The following DAB2IP variants were observed in gnomAD, a reference collection of about 807,000 sequenced individuals.
The protein encoded by DAB2IP is disabled homolog 2-interacting protein.
Under a neutral mutation model 107.2 loss-of-function variants are expected in DAB2IP, and 28 were observed. The ratio of observed to expected loss-of-function variants is 0.26; its 90% CI spans 0.19 to 0.36. The LOEUF (loss-of-function observed/expected upper bound fraction) is 0.36, where lower values mean the gene tolerates loss of function less well. Among genes scored for constraint, DAB2IP ranks in the 10% least tolerant of loss-of-function variants. The pLI is 1.00. For synonymous variants in DAB2IP, 755 were observed against 706.4 expected, an observed-to-expected ratio of 1.07 and a Z score of -1.09; for missense variants, 1,400 against 1,644.7, an observed-to-expected ratio of 0.85 and a Z score of 2.57.
chr9:121,774,368 A>G, exon 13 of DAB2IP: 2 of 1,612,622 alleles, frequency 1.2e-6, no homozygotes, highest in Non-Finnish European at 1.7e-6. Context: ...CCCCCCCCAC[A>G]GGGATAGGCT....
At chr9:121,577,912 G>A (rs1417555982) in intron 1 of DAB2IP, among the ~76,000 whole-genome samples, 1 of 152,138 alleles carries the variant, frequency 6.6e-6, no homozygotes, top group Non-Finnish European at 1.5e-5. Flanking sequence ...TCACTCAGGG[G>A]TCCTTGGGGG....
chr9:121,699,582 G>A lies in DAB2IP; in HGVS notation c.362+124G>A, dbSNP rs1015630667. On this transcript the variant is annotated intron_variant, in intron 3 of 15. Transcript: ENST00000408936. This position sits in a 1 kb window ranked among gnomAD's most constrained non-coding sequence, Gnocchi z 6.2. ...CACGGCGGTGGGGGGACCCCACGCC[G>A]CCCGCCGGGAACTTATGGGGCCACC... 4.4e-6 allele frequency: 4 copies of A among 899,230 alleles called. No individual in the cohort carries two copies. In the Admixed American group the frequency reaches 1.5e-4, roughly 34 times the overall value. The allele number at this position is 899,230 out of a possible 1,614,324, so 55.7% of individuals were successfully genotyped here. A position where few individuals can be genotyped will look rare whatever the true frequency, so the allele number is the denominator to read the frequency against.
chr9:121,736,702 C>T lies in DAB2IP; in HGVS notation c.363-20311C>T, dbSNP rs773865675. On this transcript the variant is annotated intron_variant, in intron 3 of 15. Coordinates refer to ENST00000408936, the Ensembl canonical transcript of DAB2IP. The surrounding 1 kb of genome is among the most constrained non-coding windows in gnomAD (Gnocchi z 4.6). The stretch of plus-strand genomic sequence containing the variant: ...TGGCGCGCCCCCAAATCTTTTGGTT[C>T]CCCCGCTCCTGCCTTCCACTGCTCT... Among the ~76,000 whole-genome samples, 29 of 152,324 alleles carry T rather than the reference C, an allele frequency of 1.9e-4. No individual in the cohort carries two copies. Among genetic ancestry groups the T allele is most frequent in the Non-Finnish European group, 4.1e-4 (28 of 68,028 alleles).
At chr9:121,765,216 C>T (rs1384581907) in intron 8 of DAB2IP, among the ~76,000 whole-genome samples, 1 of 152,222 alleles carries the variant, frequency 6.6e-6, no homozygotes, top group Non-Finnish European at 1.5e-5. Flanking sequence ...CCCCCTCTTC[C>T]AGGGGGGCTG....
At chr9:121,729,640 T>C (rs1831413397) in intron 3 of DAB2IP, among the ~76,000 whole-genome samples, 1 of 152,234 alleles carries the variant, frequency 6.6e-6, no homozygotes, top group African/African-American at 2.4e-5. Context: ...ACACCATTAA[T>C]TGCTTTACAT....
chr9:121,635,038 G>A lies in DAB2IP; in HGVS notation c.41-43640G>A, dbSNP rs749144195. ...TATATGTGTGTGTGTGTGCGCGTGC[G>A]TGTGTATGTGTGTGTGCATGTGCGT... is the stretch of plus-strand genomic sequence containing the variant. On this transcript the variant is annotated intron_variant, in intron 1 of 16. Transcript: ENST00000259371. The surrounding 1 kb of genome is among the most constrained non-coding windows in gnomAD (Gnocchi z 4.3). Among the ~76,000 whole-genome samples the A allele has an allele frequency of 3.3e-5, 5 of 152,146 alleles. No individual in the cohort carries two copies. The highest frequency in any genetic ancestry group is 6.5e-5 in the Admixed American group (1 of 15,282).
chr9:121,665,461 T>C (rs886891791), intron 1 of DAB2IP, among the ~76,000 whole-genome samples: 9 of 152,230 alleles, frequency 5.9e-5, no homozygotes, highest in African/African-American at 1.9e-4. Flanking sequence ...AAATAATACA[T>C]GTGGATATTT....
chr9:121,711,418 G>C (rs1378931608), intron 3 of DAB2IP, among the ~76,000 whole-genome samples: 1 of 152,150 alleles, frequency 6.6e-6, no homozygotes, highest in Non-Finnish European at 1.5e-5. Flanking sequence ...GAAATCATTT[G>C]TGACCCAGGA....
chr9:121,734,592 CA>C (rs1831761231), intron 3 of DAB2IP, among the ~76,000 whole-genome samples: 1 of 152,164 alleles, frequency 6.6e-6, no homozygotes, highest in South Asian at 2.1e-4. Flanking sequence ...AGCTGTCATG[CA>C]AAGGAAAAGG....
chr9:121,588,618 G>GGAAGGGAAGGGAAGA, intron 1 of DAB2IP, among the ~76,000 whole-genome samples: 1 of 149,140 alleles, frequency 6.7e-6, no homozygotes, highest in East Asian at 2.0e-4. Context: ...AAGAGGGAAG[G>GGAAGGGAAGGGAAGA]GAAGGGAAGG....
intron 2 of DAB2IP, among the ~76,000 whole-genome samples, chr9:121,694,106 T>G (rs1386943483): frequency 6.6e-6 from 1 of 152,158 alleles, no homozygotes; most frequent in African/African-American, 2.4e-5. Context: ...GGGCCTCCCT[T>G]TCTTCCCTCC....
At chr9:121,602,458 A>G (rs1049357463) in intron 1 of DAB2IP, among the ~76,000 whole-genome samples, 5 of 152,142 alleles carry the variant, frequency 3.3e-5, no homozygotes, top group Admixed American at 1.3e-4. Flanking sequence ...TAGTGGTACT[A>G]TCATAGCTCA....
intron 3 of DAB2IP, among the ~76,000 whole-genome samples, chr9:121,734,333 C>T (rs1190118269): frequency 7.2e-6 from 1 of 139,676 alleles, no homozygotes; most frequent in Non-Finnish European, 1.5e-5. Flanking sequence ...GCCGAGATTG[C>T]GCCATTGCAG....
intron 1 of DAB2IP, among the ~76,000 whole-genome samples, chr9:121,578,367 C>A (rs1830113184): frequency 6.6e-6 from 1 of 151,960 alleles, no homozygotes; most frequent in African/African-American, 2.4e-5. Flanking sequence ...CCCCTCTTCC[C>A]TCCTCTCCCC....
chr9:121,769,554 A>C (rs1232599344), intron 10 of DAB2IP, among the ~76,000 whole-genome samples: 1 of 152,198 alleles, frequency 6.6e-6, no homozygotes, highest in East Asian at 1.9e-4. Context: ...TTATTTCACC[A>C]GTCCCCTATT....
At chr9:121,612,586 G>A (rs1275044559) in intron 1 of DAB2IP, among the ~76,000 whole-genome samples, 1 of 152,212 alleles carries the variant, frequency 6.6e-6, no homozygotes, top group African/African-American at 2.4e-5. Context: ...GCGGGGTAAA[G>A]GTGGGGCAGG....
At chr9:121,663,801 G>A (rs1039627776) in intron 1 of DAB2IP, among the ~76,000 whole-genome samples, 14 of 152,228 alleles carry the variant, frequency 9.2e-5, no homozygotes, top group Admixed American at 5.2e-4. Flanking sequence ...GGCCAGGCGC[G>A]AACTCAGCTT....
rs780707769 is a variant in DAB2IP at position 121,760,151 on chromosome 9, G to A, written c.882G>A (p.Val294=). Reference sequence around the variant, plus strand: ...AGCGCAACAGTTACCTGGGCCTGGTGAGCCTACCTGCTGCCTCGGTGGCCG... The same window carrying A: ...AGCGCAACAGTTACCTGGGCCTGGTAAGCCTACCTGCTGCCTCGGTGGCCG... The change falls in exon 6 of 16, where the codon GTG becomes GTA. Residue 294 remains valine (V), a synonymous_variant. Transcript: ENST00000408936. This position sits in a 1 kb window ranked among gnomAD's most constrained non-coding sequence, Gnocchi z 5.9. 26 of 1,613,780 alleles carry A rather than the reference G, an allele frequency of 1.6e-5. No homozygotes were observed. The highest frequency in any genetic ancestry group is 2.2e-5 in the East Asian group (1 of 44,862).
intron 3 of DAB2IP, among the ~76,000 whole-genome samples, chr9:121,738,409 T>C (rs1832082610): frequency 6.6e-6 from 1 of 152,178 alleles, no homozygotes; most frequent in Non-Finnish European, 1.5e-5. Context: ...CAGACACTAA[T>C]AAAAGTAAAG....
Sources: gnomAD v4.1 joint callset for allele counts (sites outside exome capture counted in the v4.1 genomes callset) on GRCh38, gnomAD v4.1.1 for gene constraint, Gnocchi (gnomAD v3.1) non-coding constraint, MANE v1.5 for transcripts, NCBI Gene and HGNC (gene_info 2026-07-23, HGNC 2026-07-21) for gene names.